The following DHRS3 variants were observed in gnomAD, a reference collection of about 807,000 sequenced individuals.
DHRS3 encodes dehydrogenase/reductase 3, also known as short-chain dehydrogenase/reductase 3.
In DHRS3, 14 loss-of-function variants were observed where a neutral mutation model predicts 27.2. The ratio of observed to expected loss-of-function variants is 0.52; its 90% CI spans 0.34 to 0.81. The LOEUF (loss-of-function observed/expected upper bound fraction) is 0.81. Ranked by LOEUF, DHRS3 falls within the 30% of genes least tolerant of loss-of-function variation. The probability of loss-of-function intolerance (pLI) is 0.01; values close to 1 mark genes in which losing one functional copy is unlikely to be tolerated. For synonymous variants in DHRS3, 165 were observed against 175.9 expected (o/e 0.94, Z 0.49); for missense variants, 322 against 406.2 (o/e 0.79, Z 1.78).
At chr1:12,617,050 G>T (rs1557536795) in intron 1 of DHRS3, 104 bp downstream of exon 1, 1 of 1,325,858 alleles carries the variant, frequency 7.5e-7, no homozygotes, top group Admixed American at 2.5e-5. Context: ...AAGTGGGGTG[G>T]CCGGCGACTC....
At chr1:12,581,776 A>C (rs1391732781) in intron 1 of DHRS3, among the ~76,000 whole-genome samples, 1 of 152,180 alleles carries the variant, frequency 6.6e-6, no homozygotes, top group Non-Finnish European at 1.5e-5. Flanking sequence ...CCTAACTAAG[A>C]ACCAGCTTCA....
chr1:12,594,393 C>G lies in DHRS3; in HGVS notation c.196-13727G>C, dbSNP rs1168425332. Among the ~76,000 whole-genome samples, 7 of 152,100 alleles carry G rather than the reference C, an allele frequency of 4.6e-5. No homozygotes were observed. Among genetic ancestry groups the G allele is most frequent in the Non-Finnish European group, 8.8e-5 (6 of 68,042 alleles). ...TTGCGGAGTTTGCTTGTGTGTAAGT[C>G]CGGGGACAATGAGCATGAACACTTG... On this transcript the variant is annotated intron_variant, in intron 1 of 5. Transcript: ENST00000616661. The surrounding 1 kb of genome is among the most constrained non-coding windows in gnomAD (Gnocchi z 4.1).
At position 12,591,740 on chromosome 1, in the gene DHRS3, A is replaced by G. The variant is rs1646748606; in HGVS notation, c.196-11074T>C. On this transcript the variant is annotated intron_variant, in intron 1 of 5. Coordinates refer to ENST00000616661, the MANE Select transcript of DHRS3 (RefSeq NM_004753.7). The surrounding 1 kb of genome is among the most constrained non-coding windows in gnomAD (Gnocchi z 4.1). Reference sequence around the variant, plus strand: ...CGGTAAGCGGTAGAGCTGGGACCTCAACTTATGCAATCTGTGCCCTTGGCC... The same window carrying G: ...CGGTAAGCGGTAGAGCTGGGACCTCGACTTATGCAATCTGTGCCCTTGGCC... Among the ~76,000 whole-genome samples, 1 of 152,220 alleles carries G rather than the reference A, an allele frequency of 6.6e-6. No homozygotes were observed. Among genetic ancestry groups the G allele is most frequent in the Non-Finnish European group, 1.5e-5 (1 of 68,036 alleles).
intron 1 of DHRS3, among the ~76,000 whole-genome samples, chr1:12,612,929 G>A (rs762965818): frequency 3.8e-4 from 58 of 152,146 alleles, no homozygotes; most frequent in Non-Finnish European, 6.5e-4. Context: ...ATGGTGGCAC[G>A]CACGCCTGTA....
chr1:12,616,024 C>T (rs1646941903), intron 1 of DHRS3, among the ~76,000 whole-genome samples: 1 of 152,304 alleles, frequency 6.6e-6, no homozygotes, highest in South Asian at 2.1e-4. Flanking sequence ...AAAGTTCAGT[C>T]CCAGTCAGAG....
chr1:12,583,854 A>C (rs1646669335), intron 1 of DHRS3, among the ~76,000 whole-genome samples: 2 of 142,452 alleles, frequency 1.4e-5, no homozygotes, highest in South Asian at 2.3e-4. Flanking sequence ...CACCTACTCC[A>C]CTTCATCCAT....
intron 1 of DHRS3, among the ~76,000 whole-genome samples, chr1:12,581,882 G>A (rs1234790798): frequency 6.6e-6 from 1 of 152,132 alleles, no homozygotes; most frequent in African/African-American, 2.4e-5. Context: ...TTCGTCCGGT[G>A]GGCTTCTATT....
intron 1 of DHRS3, among the ~76,000 whole-genome samples, chr1:12,590,004 C>G (rs1191057255): frequency 1.3e-5 from 2 of 152,120 alleles, no homozygotes; most frequent in African/African-American, 4.8e-5. Flanking sequence ...TGGGGCAAAA[C>G]CACAGAATCT....
intron 5 of DHRS3, among the ~76,000 whole-genome samples, chr1:12,569,231 T>TCACACACACA (rs57427000): frequency 2.4e-4 from 26 of 110,572 alleles, no homozygotes; most frequent in Admixed American, 1.1e-3. Context: ...TCTCTCTCTC[T>TCACACACACA]CACACACACA....
chr1:12,616,272 G>A (rs1646943796), intron 1 of DHRS3, among the ~76,000 whole-genome samples: 1 of 152,178 alleles, frequency 6.6e-6, no homozygotes. Flanking sequence ...GAGACAGCCT[G>A]GCCTGCCTCC....
chr1:12,602,303 C>G (rs1199709297), intron 1 of DHRS3, among the ~76,000 whole-genome samples: 1 of 152,180 alleles, frequency 6.6e-6, no homozygotes, highest in African/African-American at 2.4e-5. Flanking sequence ...CCAGCCCCTG[C>G]CTGGGAAGAC....
intron 5 of DHRS3, among the ~76,000 whole-genome samples, chr1:12,571,712 T>C (rs1646539007): frequency 6.6e-6 from 1 of 151,990 alleles, no homozygotes. Flanking sequence ...TTTTGTATTT[T>C]TAGTACAGAC....
intron 1 of DHRS3, among the ~76,000 whole-genome samples, chr1:12,590,352 C>T (rs1341728635): frequency 2.6e-5 from 4 of 152,090 alleles, no homozygotes; most frequent in Non-Finnish European, 5.9e-5. Context: ...CTCTTGTTGC[C>T]CAGACTGGAG....
At chr1:12,587,196 G>T (rs1646704188) in intron 1 of DHRS3, among the ~76,000 whole-genome samples, 1 of 148,238 alleles carries the variant, frequency 6.7e-6, no homozygotes, top group South Asian at 2.1e-4. Context: ...AGGCCGGAGT[G>T]CAGTGGCGCA....
Position 12,617,176 on chromosome 1 carries a change from A to G in DHRS3, c.173T>C (p.Phe58Ser), listed in dbSNP as rs763389843. ...RGIGRQLARE[F>S]AERGARKIVL... ...TACCTTTCTGGCGCCGCGCTCCGCGAACTCGCGGGCGAGCTGACGCCCGAT... is the reference window on the plus strand; with the variant it reads ...TACCTTTCTGGCGCCGCGCTCCGCGGACTCGCGGGCGAGCTGACGCCCGAT... The change falls in exon 1 of 6, where the codon TTC becomes TCC. Residue 58 changes from phenylalanine to serine, a missense_variant. Coordinates refer to ENST00000616661, the MANE Select transcript of DHRS3 (RefSeq NM_004753.7). 6.2e-7 allele frequency: 1 copy of G among 1,612,390 alleles called. No homozygotes were observed. The highest frequency in any genetic ancestry group is 8.5e-7 in the Non-Finnish European group (1 of 1,179,700).
rs1265930312 is a variant in DHRS3, at chr1:12,574,391, T to C, written c.699-1538A>G. Among the ~76,000 whole-genome samples the C allele has an allele frequency of 3.0e-4, 46 of 152,084 alleles. 1 individual carries two copies. Among genetic ancestry groups the C allele is most frequent in the Admixed American group, 3.0e-3 (46 of 15,272 alleles). The stretch of plus-strand genomic sequence containing the variant: ...TTGCCATGTTGCCCAGGCTGGCAAC[T>C]CCTGGGCTGAAGTGATTCCCCTGCC... On this transcript the variant is annotated intron_variant, in intron 4 of 5. Transcript: ENST00000616661. This position sits in a 1 kb window ranked among gnomAD's most constrained non-coding sequence, Gnocchi z 4.6.
intron 1 of DHRS3, among the ~76,000 whole-genome samples, chr1:12,589,040 T>G (rs1238941457): frequency 6.6e-6 from 1 of 152,232 alleles, no homozygotes; most frequent in Admixed American, 6.5e-5. Flanking sequence ...TGCACAGCTC[T>G]CTGCTCCTGG....
chr1:12,612,193 A>C (rs553053676), intron 1 of DHRS3, among the ~76,000 whole-genome samples: 2 of 152,296 alleles, frequency 1.3e-5, no homozygotes, highest in East Asian at 3.9e-4. Flanking sequence ...TTCAGGCTGC[A>C]CAGAGTGAGG....
rs936467625 is a variant in DHRS3, at chr1:12,592,525, A to C, written c.196-11859T>G. On this transcript the variant is annotated intron_variant, in intron 1 of 5. Coordinates refer to ENST00000616661, the MANE Select transcript of DHRS3 (RefSeq NM_004753.7). The surrounding 1 kb of genome is among the most constrained non-coding windows in gnomAD (Gnocchi z 4.2). ...AAGCCACGCGATGCCAGGAGCTGCC[A>C]AGAGCCACCAGGAGCTGAAAGAGAC... Among the ~76,000 whole-genome samples the C allele has an allele frequency of 3.3e-5, 5 of 152,216 alleles. No homozygotes were observed. The highest frequency in any genetic ancestry group is 3.3e-4 in the Admixed American group (5 of 15,284).
Sources: allele counts gnomAD v4.1 joint callset (sites outside exome capture counted in the v4.1 genomes callset), GRCh38; gene constraint gnomAD v4.1.1; non-coding constraint Gnocchi (gnomAD v3.1); transcripts MANE v1.5; gene names NCBI Gene and HGNC (gene_info 2026-07-23, HGNC 2026-07-21).